GMIP: variants seen among roughly 807,000 people sequenced by gnomAD.
The protein encoded by GMIP is GEM interacting protein.
GMIP carries 54 observed loss-of-function variants against 105.3 expected under a neutral mutation model. The ratio of observed to expected loss-of-function variants is 0.51; its 90% CI spans 0.41 to 0.64. The LOEUF (loss-of-function observed/expected upper bound fraction) is 0.64. GMIP is among the 30% of genes least tolerant of loss of function. GMIP has a pLI of 0.00. For missense variants in GMIP, 1,110 were observed against 1,319.4 expected, an observed-to-expected ratio of 0.84 and a Z score of 2.46; for synonymous variants, 541 against 560.8, an observed-to-expected ratio of 0.96 and a Z score of 0.50.
rs2061843337 is a variant in GMIP at position 19,635,431 on chromosome 19, C to T, written c.1544G>A (p.Gly515Glu). Reference protein sequence around the residue: ...CRECEAFMVSGTECEECFLTC... With the variant: ...CRECEAFMVSETECEECFLTC... ...AGGCCACACCTCCTCACACTCCGTC[C>T]CGCTGACCATGAAGGCTTCGCACTC... Residue 515 changes from glycine (G) to glutamate (E), a missense_variant, in exon 15 of 21, where the codon GGG (glycine) becomes GAG (glutamate). Physicochemically the swap from Gly to Glu is moderately conservative, Grantham distance 98. Around this residue, in one of 3 missense-constraint regions of GMIP, gnomAD observed 667 missense variants for 773.2 expected, o/e 0.86. Transcript: ENST00000203556. The surrounding 1 kb of genome is among the most constrained non-coding windows in gnomAD (Gnocchi z 4.7). 2.5e-6 allele frequency: 4 copies of T among 1,609,398 alleles called. No individual in the cohort carries two copies. The highest frequency in any genetic ancestry group is 3.4e-6 in the Non-Finnish European group (4 of 1,179,864).
In GMIP at chr19:19,634,723, C is replaced by A; in HGVS notation, c.1888-20G>T. On this transcript the variant is annotated intron_variant, in intron 17 of 20. Transcript: ENST00000203556. This position sits in a 1 kb window ranked among gnomAD's most constrained non-coding sequence, Gnocchi z 6.1. ...GGTGAGCTGGGGGTGGAACGGAGGGCGCAACACGAGTGTGGGTGGGCTGTG... is the reference window on the plus strand; with the variant it reads ...GGTGAGCTGGGGGTGGAACGGAGGGAGCAACACGAGTGTGGGTGGGCTGTG... The A allele has an allele frequency of 6.2e-7, 1 of 1,608,068 alleles. No homozygotes were observed. The highest frequency in any genetic ancestry group is 8.5e-7 in the Non-Finnish European group (1 of 1,175,868).
Position 19,634,745 on chromosome 19 carries a change from T to C in GMIP, c.1888-42A>G, listed in dbSNP as rs1292035759. The C allele has an allele frequency of 6.2e-7, 1 of 1,610,082 alleles. No individual in the cohort carries two copies. Among genetic ancestry groups the C allele is most frequent in the Non-Finnish European group, 8.5e-7 (1 of 1,177,274 alleles). On this transcript the variant is annotated intron_variant, in intron 17 of 20. Coordinates refer to ENST00000203556, the MANE Select transcript of GMIP (RefSeq NM_016573.4). This position sits in a 1 kb window ranked among gnomAD's most constrained non-coding sequence, Gnocchi z 6.1. Reference sequence around the variant, plus strand: ...GGGCGCAACACGAGTGTGGGTGGGCTGTGGAGGGCTCCTGCCCGCGTCCCC... The same window carrying C: ...GGGCGCAACACGAGTGTGGGTGGGCCGTGGAGGGCTCCTGCCCGCGTCCCC...
chr19:19,643,439 CAA>C, intron 1 of GMIP, 70 bp downstream of exon 1: 2 of 1,348,008 alleles, frequency 1.5e-6, no homozygotes, highest in South Asian at 2.5e-5. Context: ...CGGAGCGGGA[CAA>C]GTGTGTGCCC....
chr19:19,630,562 G>C lies in GMIP; in HGVS notation c.2473-25C>G. On this transcript the variant is annotated intron_variant, in intron 19 of 20. Transcript: ENST00000203556. This position sits in a 1 kb window ranked among gnomAD's most constrained non-coding sequence, Gnocchi z 4.8. ...TCTGCAGGGAGAAACCCAAGAATGAGACCCCAACACTAAAATCCCAGTTCT... is the reference window on the plus strand; with the variant it reads ...TCTGCAGGGAGAAACCCAAGAATGACACCCCAACACTAAAATCCCAGTTCT... 6.3e-7 allele frequency: 1 copy of C among 1,585,914 alleles called. No homozygotes were observed. The highest frequency in any genetic ancestry group is 8.7e-7 in the Non-Finnish European group (1 of 1,154,480).
rs1319590643 is a variant in GMIP, at chr19:19,637,462, GGCCCGGCTCAAAGGGCGCACA to G, written c.1006_1026del (p.Cys336_Gly342del). The stretch of plus-strand genomic sequence containing the variant: ...GCCCGTACAAACTCCTGGTAGCGCT[GGCCCGGCTCAAAGGGCGCACA>G]GCACTCGGCCAGGGCGGCGAAGGCG... On this transcript the variant is annotated inframe_deletion, in exon 11 of 21. Transcript: ENST00000203556. The surrounding 1 kb of genome is among the most constrained non-coding windows in gnomAD (Gnocchi z 6.7). 1 of 1,532,534 alleles carries G rather than the reference GGCCCGGCTCAAAGGGCGCACA, an allele frequency of 6.5e-7. No individual in the cohort carries two copies. The highest frequency in any genetic ancestry group is 8.8e-7 in the Non-Finnish European group (1 of 1,141,416). The allele number at this position is 1,532,534 out of a possible 1,614,324, so 94.9% of individuals were successfully genotyped here. A position where few individuals can be genotyped will look rare whatever the true frequency, so the allele number is the denominator to read the frequency against.
In GMIP at chr19:19,636,501, C is replaced by T. The variant is rs563224505; in HGVS notation, c.1327+206G>A. 7.2e-5 allele frequency among the ~76,000 whole-genome samples: 11 copies of T among 151,970 alleles called. 1 individual carries two copies. The highest frequency in any genetic ancestry group is 3.9e-4 in the East Asian group (2 of 5,184). On this transcript the variant is annotated intron_variant, in intron 13 of 20. Transcript: ENST00000203556. Reference sequence around the variant, plus strand: ...TCACGCCACTGCACTCCAGGCTGGGCGACAGAATGAGACTGTCTCAAATAA... The same window carrying T: ...TCACGCCACTGCACTCCAGGCTGGGTGACAGAATGAGACTGTCTCAAATAA...
chr19:19,633,646 A>G (rs1052387141), intron 19 of GMIP, among the ~76,000 whole-genome samples, 157 bp downstream of exon 19: 2 of 152,188 alleles, frequency 1.3e-5, no homozygotes, highest in Non-Finnish European at 2.9e-5. Context: ...CCCACTGCTC[A>G]TTCCTCACTA....
In GMIP at chr19:19,638,236, A is replaced by AGTCCTCAGGGGACCCCTGGGAGCGT; in HGVS notation, c.687_711dup (p.Ser238ThrfsTer7). On this transcript the variant is annotated stop_gained and frameshift_variant, in exon 9 of 21. Coordinates refer to ENST00000203556, the MANE Select transcript of GMIP (RefSeq NM_016573.4). LOFTEE classifies it high-confidence loss of function. ...GGTCCCGGCGAGGCCTGGGGGGCCGAGTCCTCAGGGGACCCCTGGGAGCGT... is the reference window on the plus strand; with the variant it reads ...GGTCCCGGCGAGGCCTGGGGGGCCGAGTCCTCAGGGGACCCCTGGGAGCGTGTCCTCAGGGGACCCCTGGGAGCGT... The AGTCCTCAGGGGACCCCTGGGAGCGT allele has an allele frequency of 1.2e-6, 2 of 1,601,848 alleles. No homozygotes were observed. The highest frequency in any genetic ancestry group is 1.7e-6 in the Non-Finnish European group (2 of 1,178,944).
At position 19,640,078 on chromosome 19, in the gene GMIP, C is replaced by G. The variant is rs1264933993; in HGVS notation, c.537+7G>C. The stretch of plus-strand genomic sequence containing the variant: ...ACCTCTGTAACATTCCACCCTGCCC[C>G]CCTCACCTGGTAGTAGTCTCTTTTC... On this transcript the variant is annotated splice_region_variant and intron_variant, in intron 7 of 20. Transcript: ENST00000203556. 6.5e-7 allele frequency: 1 copy of G among 1,529,502 alleles called. No individual in the cohort carries two copies. Among genetic ancestry groups the G allele is most frequent in the Admixed American group, 1.7e-5 (1 of 59,838 alleles). 94.7% of individuals were successfully genotyped at this position (1,529,502 alleles called of 1,614,324 possible).
chr19:19,636,351 C>T (rs960094272), intron 13 of GMIP, among the ~76,000 whole-genome samples: 24 of 151,446 alleles, frequency 1.6e-4, no homozygotes, highest in Admixed American at 4.6e-4. Flanking sequence ...GGTGAAACCC[C>T]GTCTCTACTA....
rs866432862 is a variant in GMIP, at chr19:19,630,686, G to A, written c.2473-149C>T. The A allele has an allele frequency of 4.0e-5, 27 of 675,922 alleles. No homozygotes were observed. In the Middle Eastern group the frequency reaches 1.3e-3, roughly 32 times the overall value. The allele number at this position is 675,922 out of a possible 1,614,324, so 41.9% of individuals were successfully genotyped here. On this transcript the variant is annotated intron_variant, in intron 19 of 20. Coordinates refer to ENST00000203556, the MANE Select transcript of GMIP (RefSeq NM_016573.4). This position sits in a 1 kb window ranked among gnomAD's most constrained non-coding sequence, Gnocchi z 4.8. ...AGGAGCATGCCTGGTATGTTAGGAC[G>A]CAGCCCCACCCTGTAATGAATGAGG...
intron 7 of GMIP, 36 bp downstream of exon 7, chr19:19,640,049 G>C: frequency 8.3e-7 from 1 of 1,207,890 alleles, no homozygotes; most frequent in Admixed American, 1.7e-5. Flanking sequence ...AGGATAGCAG[G>C]GTGACCTCTG....
intron 4 of GMIP, among the ~76,000 whole-genome samples, 181 bp from the exon 5 acceptor site, chr19:19,640,752 T>C (rs978297066): frequency 6.6e-6 from 1 of 151,992 alleles, no homozygotes; most frequent in Non-Finnish European, 1.5e-5. Flanking sequence ...TTTTTATTTT[T>C]TATTATTTTA....
chr19:19,629,840 C>T lies in GMIP; in HGVS notation c.*123G>A, dbSNP rs2061773276. On this transcript the variant is annotated 3_prime_UTR_variant, in exon 21 of 21. Transcript: ENST00000203556. ...TAAATAGTTTTTCCTTATAGGAACC[C>T]TCTGGACCTCTCCCAGCATTGAACT... The T allele has an allele frequency of 2.1e-6, 2 of 974,412 alleles. No homozygotes were observed. The highest frequency in any genetic ancestry group is 5.2e-5 in the East Asian group (2 of 38,138). 60.4% of individuals were successfully genotyped at this position (974,412 alleles called of 1,614,324 possible).
In GMIP at chr19:19,636,714, G is replaced by T. The variant is rs1162864960; in HGVS notation, c.1320C>A (p.Ser440=). 4 of 1,611,508 alleles carry T rather than the reference G, an allele frequency of 2.5e-6. No homozygotes were observed. Among genetic ancestry groups the T allele is most frequent in the Non-Finnish European group, 3.4e-6 (4 of 1,178,216 alleles). ...SESRSLDSPT[S]SPGAGTRQLV... ...ACCAGGTCCTATCCCTACCTGGGCT[G>T]GAAGTGGGTGAGTCCAGGGACCGAG... Residue 440 remains serine (S), a synonymous_variant, in exon 13 of 21, where the codon TCC becomes TCA. Transcript: ENST00000203556.
rs748965944 is a variant in GMIP at position 19,634,858 on chromosome 19, C to T, written c.1821G>A (p.Ala607=). 8.2e-5 allele frequency: 133 copies of T among 1,613,890 alleles called. No individual in the cohort carries two copies. Among genetic ancestry groups the T allele is most frequent in the South Asian group, 4.1e-4 (37 of 91,092 alleles). Residue 607 remains alanine, a synonymous_variant, in exon 17 of 21, where the codon GCG becomes GCA. Coordinates refer to ENST00000203556, the MANE Select transcript of GMIP (RefSeq NM_016573.4). This position sits in a 1 kb window ranked among gnomAD's most constrained non-coding sequence, Gnocchi z 6.1. ...RLCQAFENGR[A]LVELSGNSPH... ...GCGAGTTCCCCGACAGCTCCACCAA[C>T]GCTCGGCCATTCTCGAAAGCCTGGC...
Position 19,634,790 on chromosome 19 carries a change from A to C in GMIP, c.1887+2T>G, listed in dbSNP as rs2061835162. 1 of 1,613,652 alleles carries C rather than the reference A, an allele frequency of 6.2e-7. No homozygotes were observed. The highest frequency in any genetic ancestry group is 8.5e-7 in the Non-Finnish European group (1 of 1,179,968). On this transcript the variant is annotated splice_donor_variant, in intron 17 of 20. Coordinates refer to ENST00000203556, the MANE Select transcript of GMIP (RefSeq NM_016573.4). LOFTEE classifies it high-confidence loss of function. This position sits in a 1 kb window ranked among gnomAD's most constrained non-coding sequence, Gnocchi z 6.1. ...GTCCCCCTCAGTGTCCTGAGCACCA[A>C]CCTCCTGAAGAAATCGCTTGAGGAC...
Position 19,640,166 on chromosome 19 carries a change from G to A in GMIP, c.456C>T (p.Tyr152=). The A allele has an allele frequency of 6.2e-7, 1 of 1,613,446 alleles. No individual in the cohort carries two copies. Among genetic ancestry groups the A allele is most frequent in the Non-Finnish European group, 8.5e-7 (1 of 1,179,462 alleles). ...TGAGATCGTGCTCCAGAAACAGGGTGTAGATGTACTGCAGAGGCATGTGGC... is the reference window on the plus strand; with the variant it reads ...TGAGATCGTGCTCCAGAAACAGGGTATAGATGTACTGCAGAGGCATGTGGC... The part of the protein sequence containing the change: ...QQSHMPLQYI[Y]TLFLEHDLSL... Residue 152 remains tyrosine, a synonymous_variant, in exon 7 of 21, where the codon TAC becomes TAT. Coordinates refer to ENST00000203556, the MANE Select transcript of GMIP (RefSeq NM_016573.4).
Position 19,629,630 on chromosome 19 carries a change from CT to C in GMIP, c.*332del, listed in dbSNP as rs2061771220. 2 of 275,252 alleles carry C rather than the reference CT, an allele frequency of 7.3e-6. No homozygotes were observed. The allele number at this position is 275,252 out of a possible 1,614,324, so 17.1% of individuals were successfully genotyped here. A position where few individuals can be genotyped will look rare whatever the true frequency, so the allele number is the denominator to read the frequency against. On this transcript the variant is annotated 3_prime_UTR_variant, in exon 21 of 21. Transcript: ENST00000203556. ...CACAACCAAAGTAGCAAAAGCACCC[CT>C]GTCCCAGGTGTCAGAGACTAGGGTG...
Sources: gnomAD v4.1 joint callset for allele counts (sites outside exome capture counted in the v4.1 genomes callset) on GRCh38, gnomAD v4.1.1 for gene constraint, gnomAD v4.1.1 regional missense constraint, Gnocchi (gnomAD v3.1) non-coding constraint, MANE v1.5 for transcripts, NCBI Gene and HGNC (gene_info 2026-07-23, HGNC 2026-07-21) for gene names.